Variants in NALF1 observed in about 807,000 individuals in gnomAD.
NALF1 encodes NALCN channel auxiliary factor 1.
NALF1 carries 3 observed loss-of-function variants against 48.4 expected under a neutral mutation model. The observed-to-expected ratio is 0.06, with a 90% CI of 0.03 to 0.16. The LOEUF (loss-of-function observed/expected upper bound fraction) is 0.16. NALF1 is among the 10% of genes least tolerant of loss of function. The probability of loss-of-function intolerance (pLI) is 1.00; values close to 1 mark genes in which losing one functional copy is unlikely to be tolerated. For synonymous variants in NALF1, 262 were observed against 245.7 expected, an observed-to-expected ratio of 1.07 and a Z score of -0.62; for missense variants, 526 against 571.5, an observed-to-expected ratio of 0.92 and a Z score of 0.81.
chr13:107,828,986 G>C (rs1414632209), intron 1 of NALF1, among the ~76,000 whole-genome samples: 1 of 152,082 alleles, frequency 6.6e-6, no homozygotes, highest in Non-Finnish European at 1.5e-5. Context: ...CTGACCCAAA[G>C]TTCAATAAAA....
At chr13:107,422,122 T>C (rs563267949) in intron 1 of NALF1, among the ~76,000 whole-genome samples, 1 of 152,296 alleles carries the variant, frequency 6.6e-6, no homozygotes, top group Non-Finnish European at 1.5e-5. Flanking sequence ...TTCATCATCA[T>C]GGGAACAATG....
intron 1 of NALF1, among the ~76,000 whole-genome samples, chr13:107,793,518 C>T (rs967395454): frequency 5.9e-5 from 9 of 152,128 alleles, no homozygotes; most frequent in Non-Finnish European, 7.4e-5. Flanking sequence ...TTATAATTTT[C>T]GCAAAGACAC....
intron 1 of NALF1, among the ~76,000 whole-genome samples, chr13:107,287,706 C>CTTTTTTTTTTTTTTTT (rs59607599): frequency 8.6e-5 from 11 of 127,886 alleles, no homozygotes; most frequent in Non-Finnish European, 1.3e-4. Flanking sequence ...TCTTTTCTTT[C>CTTTTTTTTTTTTTTTT]TTTTTTTTTT....
intron 1 of NALF1, among the ~76,000 whole-genome samples, chr13:107,222,582 C>G (rs761757815): frequency 1.3e-5 from 2 of 152,190 alleles, no homozygotes. Context: ...TTAGGAGAAG[C>G]CCGACTGAAG....
chr13:107,356,159 A>G (rs75368033), intron 1 of NALF1, among the ~76,000 whole-genome samples: 223 of 152,298 alleles, frequency 1.5e-3, no homozygotes, highest in African/African-American at 4.9e-3. Context: ...CAGAAACTTC[A>G]GAGATTTTCT....
At chr13:107,638,207 A>ATATATATATAT (rs533265281) in intron 1 of NALF1, among the ~76,000 whole-genome samples, 10 of 142,586 alleles carry the variant, frequency 7.0e-5, no homozygotes, top group Non-Finnish European at 1.1e-4. Context: ...ATATATATAT[A>ATATATATATAT]ATTTAAGATG....
rs373396093 is a variant in NALF1, at chr13:107,164,718, T to C, written c.*5779A>G. The C allele has an allele frequency of 6.2e-4, 94 of 152,160 alleles. No homozygotes were observed. The highest frequency in any genetic ancestry group is 2.2e-3 in the African/African-American group (93 of 41,456). 9.4% of individuals were successfully genotyped at this position (152,160 alleles called of 1,614,324 possible). On this transcript the variant is annotated 3_prime_UTR_variant, in exon 3 of 3. Coordinates refer to ENST00000375915, the MANE Select transcript of NALF1 (RefSeq NM_001080396.3). ...ATCAGAGCTCACTTTAGTTCTGTAA[T>C]ATATGTTAAGACTTTCAAACTGTAT...
At chr13:107,635,477 T>C (rs1230416741) in intron 1 of NALF1, among the ~76,000 whole-genome samples, 1 of 139,934 alleles carries the variant, frequency 7.1e-6, no homozygotes, top group East Asian at 2.4e-4. Flanking sequence ...CATGCAGGGA[T>C]TATGGGAACT....
intron 1 of NALF1, among the ~76,000 whole-genome samples, chr13:107,851,527 A>T (rs1880313582): frequency 6.6e-6 from 1 of 152,156 alleles, no homozygotes; most frequent in Admixed American, 6.5e-5. Context: ...TAAAGTTATC[A>T]AACACTATAT....
chr13:107,461,503 A>C (rs1423830136), intron 1 of NALF1, among the ~76,000 whole-genome samples: 2 of 152,188 alleles, frequency 1.3e-5, no homozygotes, highest in African/African-American at 4.8e-5. Context: ...CAAACTTCCA[A>C]AACTCTACTC....
At chr13:107,809,820 G>C (rs559895462) in intron 1 of NALF1, among the ~76,000 whole-genome samples, 29 of 152,168 alleles carry the variant, frequency 1.9e-4, no homozygotes, top group African/African-American at 6.7e-4. Context: ...ACGTCCACCA[G>C]ATTTCTCAAT....
chr13:107,397,691 C>T (rs761428409), intron 1 of NALF1, among the ~76,000 whole-genome samples: 5 of 151,870 alleles, frequency 3.3e-5, no homozygotes, highest in African/African-American at 1.2e-4. Flanking sequence ...TCTCTTTGCT[C>T]CACATTTGTC....
chr13:107,794,502 CT>C (rs1461122115), intron 1 of NALF1, among the ~76,000 whole-genome samples: 1 of 147,924 alleles, frequency 6.8e-6, no homozygotes. Flanking sequence ...AATTATAATG[CT>C]TAACAATATG....
intron 2 of NALF1, among the ~76,000 whole-genome samples, chr13:107,197,511 A>G (rs1200753666): frequency 6.6e-6 from 1 of 152,188 alleles, no homozygotes; most frequent in Non-Finnish European, 1.5e-5. Flanking sequence ...TTGTTGAGCT[A>G]CCGTGTTAGA....
intron 1 of NALF1, among the ~76,000 whole-genome samples, chr13:107,298,267 G>A (rs1402956864): frequency 1.4e-5 from 2 of 139,474 alleles, no homozygotes; most frequent in East Asian, 2.3e-4. Flanking sequence ...GGAGAATGGT[G>A]TGAACTCAGG....
At chr13:107,596,768 C>T (rs1878765722) in intron 1 of NALF1, among the ~76,000 whole-genome samples, 1 of 152,108 alleles carries the variant, frequency 6.6e-6, no homozygotes, top group Non-Finnish European at 1.5e-5. Context: ...AACATGTATA[C>T]ATATATAACA....
intron 1 of NALF1, among the ~76,000 whole-genome samples, chr13:107,527,715 A>C: frequency 6.6e-6 from 1 of 151,742 alleles, no homozygotes; most frequent in East Asian, 1.9e-4. Flanking sequence ...GGAGTGAATA[A>C]GTCTCACAAG....
intron 2 of NALF1, among the ~76,000 whole-genome samples, chr13:107,209,365 G>C (rs941506010): frequency 6.6e-6 from 1 of 152,090 alleles, no homozygotes; most frequent in Non-Finnish European, 1.5e-5. Flanking sequence ...AAATTAGCCA[G>C]GTGTGGTGGT....
At chr13:107,740,172 C>A (rs1876591479) in intron 1 of NALF1, among the ~76,000 whole-genome samples, 1 of 152,128 alleles carries the variant, frequency 6.6e-6, no homozygotes, top group African/African-American at 2.4e-5. Context: ...ATCAGTATAA[C>A]TCAATATATA....
Sources: gnomAD v4.1 joint callset for allele counts (sites outside exome capture counted in the v4.1 genomes callset) on GRCh38, gnomAD v4.1.1 for gene constraint, MANE v1.5 for transcripts, NCBI Gene and HGNC (gene_info 2026-07-23, HGNC 2026-07-21) for gene names.